The following A2ML1 variants were observed in gnomAD, a reference collection of about 807,000 sequenced individuals.
A2ML1 encodes alpha-2-macroglobulin like 1.
In A2ML1, 161 loss-of-function variants were observed where a neutral mutation model predicts 181.9. The observed-to-expected ratio is 0.89, with a 90% CI of 0.78 to 1.01. A2ML1 has a LOEUF of 1.01. A2ML1 is among the 50% of genes least tolerant of loss of function. A2ML1 has a pLI of 0.00. For missense variants in A2ML1, 1,670 were observed against 1,768.1 expected (o/e 0.94, Z 1.00); for synonymous variants, 663 against 666.8 (o/e 0.99, Z 0.09).
chr12:8,848,429 C>T (rs1388143378), intron 15 of A2ML1, among the ~76,000 whole-genome samples: 3 of 151,416 alleles, frequency 2.0e-5, no homozygotes, highest in Non-Finnish European at 2.9e-5. Flanking sequence ...TGCAGTGAGC[C>T]GAGATCGTCC....
chr12:8,857,552 G>T lies in A2ML1; in HGVS notation c.3071G>T (p.Ser1024Ile), dbSNP rs1162676938. Residue 1024 changes from serine to isoleucine, a missense_variant, in exon 25 of 36, where the codon AGT becomes ATT. Transcript: ENST00000299698. ...TACAAACACAGCAATGGCTCATACA[G>T]TGCCTTTGGGGAGCGAGATGGAAAT... Reference protein sequence around the residue: ...LMYKHSNGSYSAFGERDGNGN... With the variant: ...LMYKHSNGSYIAFGERDGNGN... The T allele has an allele frequency of 6.2e-7, 1 of 1,612,282 alleles. No individual in the cohort carries two copies. Among genetic ancestry groups the T allele is most frequent in the Middle Eastern group, 1.7e-4 (1 of 6,060 alleles).
chr12:8,848,703 TC>T lies in A2ML1; in HGVS notation c.1834-12del. The T allele has an allele frequency of 6.3e-7, 1 of 1,576,040 alleles. No homozygotes were observed. The highest frequency in any genetic ancestry group is 8.6e-7 in the Non-Finnish European group (1 of 1,160,358). On this transcript the variant is annotated splice_polypyrimidine_tract_variant and intron_variant, in intron 15 of 35. Transcript: ENST00000299698. ...CACTATATCAATGCTTTATTTCCTC[TC>T]CCCCTCTTGTCCCAGGTCTATGGGA...
intron 10 of A2ML1, among the ~76,000 whole-genome samples, chr12:8,839,632 G>C (rs1461218445): frequency 6.6e-6 from 1 of 152,060 alleles, no homozygotes; most frequent in Non-Finnish European, 1.5e-5. Context: ...AGAGCTGCAG[G>C]GTTTCTAGAG....
chr12:8,868,021 G>A lies in A2ML1; in HGVS notation c.3897G>A (p.Thr1299=), dbSNP rs1057523927. The A allele has an allele frequency of 6.8e-6, 11 of 1,614,134 alleles. No individual in the cohort carries two copies. Among genetic ancestry groups the A allele is most frequent in the East Asian group, 2.2e-5 (1 of 44,892 alleles). Residue 1299 remains threonine (T), a synonymous_variant, in exon 30 of 36, where the codon ACG becomes ACA. Transcript: ENST00000299698. ...DTLPNVPGMY[T]LEASGQGCVY... ...TGCCCAATGTCCCTGGAATGTACAC[G>A]TTGGAGGCCTCAGGCCAGGGCTGTG...
At position 8,863,948 on chromosome 12, in the gene A2ML1, T is replaced by C. The variant is rs369641177; in HGVS notation, c.3657T>C (p.Thr1219=). Residue 1219 remains threonine (T), a synonymous_variant, in exon 29 of 36, where the codon ACT becomes ACC. Transcript: ENST00000299698. ...SLTQKEIAKA[T]SIVAWLAKQH... ...CTCAAAAGGAGATAGCGAAGGCCAC[T>C]AGCATAGTGGCTTGGTTGGCCAAGC... is the stretch of plus-strand genomic sequence containing the variant. 185 of 1,613,460 alleles carry C rather than the reference T, an allele frequency of 1.1e-4. No individual in the cohort carries two copies. Among genetic ancestry groups the C allele is most frequent in the Non-Finnish European group, 1.5e-4 (172 of 1,179,842 alleles).
chr12:8,873,286 C>T (rs940361966), intron 33 of A2ML1, among the ~76,000 whole-genome samples: 136 of 150,890 alleles, frequency 9.0e-4, no homozygotes, highest in Non-Finnish European at 1.8e-3. Context: ...GTTGCCCAGG[C>T]TGGACTTCAG....
At chr12:8,869,962 A>G (rs1944563724) in intron 33 of A2ML1, among the ~76,000 whole-genome samples, 1 of 152,234 alleles carries the variant, frequency 6.6e-6, no homozygotes, top group South Asian at 2.1e-4. Flanking sequence ...TAATGTTAAT[A>G]TTACTTAATA....
intron 18 of A2ML1, among the ~76,000 whole-genome samples, chr12:8,851,485 A>G (rs1943887253): frequency 6.6e-6 from 1 of 151,478 alleles, no homozygotes; most frequent in Non-Finnish European, 1.5e-5. Context: ...AGCTCACTGC[A>G]GCCTCAAACT....
At chr12:8,823,656 G>T in intron 2 of A2ML1, 64 bp from the exon 3 acceptor site, 1 of 1,552,960 alleles carries the variant, frequency 6.4e-7, no homozygotes, top group South Asian at 1.2e-5. Context: ...CTGTTGGGTT[G>T]AGACCAGTTG....
intron 13 of A2ML1, 127 bp downstream of exon 13, chr12:8,845,629 C>T (rs1320669592): frequency 2.4e-6 from 2 of 828,256 alleles, no homozygotes; most frequent in Middle Eastern, 3.1e-4. Flanking sequence ...GGGCGGATCA[C>T]GATGTCGGGA....
At chr12:8,877,406 A>G (rs1306227497), downstream of A2ML1, among the ~76,000 whole-genome samples, 1 of 152,214 alleles carries the variant, frequency 6.6e-6, no homozygotes, top group African/African-American at 2.4e-5. Flanking sequence ...CAGACAGCCT[A>G]AAGAATAGGA....
intron 12 of A2ML1, among the ~76,000 whole-genome samples, chr12:8,844,127 GAA>G (rs1475067674): frequency 1.3e-5 from 2 of 151,960 alleles, no homozygotes; most frequent in Non-Finnish European, 2.9e-5. Context: ...AGGAACACAG[GAA>G]AATTGTGTGG....
At position 8,874,459 on chromosome 12, in the gene A2ML1, TC is replaced by T; in HGVS notation, c.4257del (p.Ser1420AlafsTer9). ...AACACTCAGACTTACACCTTCACCA[TC>T]AGCCAAAGTGTGCTGGTCACCAACT... ...IKNTQTYTFT[I>X]SQSVLVTNLK... On this transcript the variant is annotated frameshift_variant, in exon 34 of 36. Coordinates refer to ENST00000299698, the MANE Select transcript of A2ML1 (RefSeq NM_144670.6). LOFTEE classifies it high-confidence loss of function. 1 of 1,614,108 alleles carries T rather than the reference TC, an allele frequency of 6.2e-7. No individual in the cohort carries two copies. Among genetic ancestry groups the T allele is most frequent in the Non-Finnish European group, 8.5e-7 (1 of 1,179,994 alleles).
rs202067416 is a variant in A2ML1 at position 8,868,358 on chromosome 12, G to A, written c.4061+1G>A. 1,280 of 1,611,252 alleles carry A rather than the reference G, an allele frequency of 7.9e-4. 3 individuals are homozygous for A. The highest frequency in any genetic ancestry group is 9.0e-4 in the Non-Finnish European group (1,056 of 1,179,204). On this transcript the variant is annotated splice_donor_variant, in intron 31 of 35. Coordinates refer to ENST00000299698, the MANE Select transcript of A2ML1 (RefSeq NM_144670.6). LOFTEE classifies it high-confidence loss of function. ...CCTTGACTCTCACTATTCACACCAG[G>A]TGATTAAAGCTGGGGTGCTGGTGGC...
intron 1 of A2ML1, 84 bp downstream of exon 1, chr12:8,822,797 G>C (rs1226477461): frequency 7.6e-7 from 1 of 1,315,924 alleles, no homozygotes; most frequent in Non-Finnish European, 1.1e-6. Flanking sequence ...GAGATGGGGA[G>C]ATCAACTTTG....
chr12:8,827,582 T>G (rs1942970644), intron 3 of A2ML1, among the ~76,000 whole-genome samples: 1 of 152,224 alleles, frequency 6.6e-6, no homozygotes. Context: ...CTATCTTTGT[T>G]TCTGGGAGAT....
intron 26 of A2ML1, 68 bp from the exon 27 acceptor site, chr12:8,860,813 C>T: frequency 1.5e-6 from 2 of 1,351,168 alleles, no homozygotes; most frequent in African/African-American, 1.4e-5. Context: ...GGCTGTTTTG[C>T]AATCTGCACA....
intron 32 of A2ML1, 93 bp downstream of exon 32, chr12:8,868,720 T>TATAC: frequency 1.6e-6 from 1 of 607,792 alleles, no homozygotes. Context: ...ATGGCGTGTA[T>TATAC]ACACACACAC....
chr12:8,861,213 T>C lies in A2ML1; in HGVS notation c.3418T>C (p.Leu1140=), dbSNP rs1243472626. The C allele has an allele frequency of 1.9e-6, 3 of 1,614,070 alleles. No individual in the cohort carries two copies. Among genetic ancestry groups the C allele is most frequent in the African/African-American group, 1.3e-5 (1 of 74,908 alleles). The change falls in exon 28 of 36, where the codon TTG becomes CTG. Residue 1140 remains leucine (L), a synonymous_variant. Coordinates refer to ENST00000299698, the MANE Select transcript of A2ML1 (RefSeq NM_144670.6). ...STTNLYTQAL[L]AYIFSLAGEM... ...GACCAACCTCTACACACAGGCCCTG[T>C]TGGCTTACATTTTCTCCCTGGCTGG...
Sources: gnomAD v4.1 joint callset for allele counts (sites outside exome capture counted in the v4.1 genomes callset) on GRCh38, gnomAD v4.1.1 for gene constraint, MANE v1.5 for transcripts, NCBI Gene and HGNC (gene_info 2026-07-23, HGNC 2026-07-21) for gene names.